The following CNTNAP2 variants were observed in gnomAD, a reference collection of about 807,000 sequenced individuals.
The protein encoded by CNTNAP2 is contactin associated protein 2.
In CNTNAP2, 98 loss-of-function variants were observed where a neutral mutation model predicts 155.2. The ratio of observed to expected loss-of-function variants is 0.63; its 90% CI spans 0.54 to 0.75. The LOEUF (loss-of-function observed/expected upper bound fraction) is 0.75, where lower values mean the gene tolerates loss of function less well. Ranked by LOEUF, CNTNAP2 falls within the 30% of genes least tolerant of loss-of-function variation. The pLI is 0.00. For missense variants in CNTNAP2, 1,727 were observed against 1,688.1 expected (o/e 1.02, Z -0.40); for synonymous variants, 651 against 631.2 (o/e 1.03, Z -0.47).
At chr7:146,675,708 T>A (rs1800387024) in intron 1 of CNTNAP2, among the ~76,000 whole-genome samples, 1 of 152,178 alleles carries the variant, frequency 6.6e-6, no homozygotes, top group South Asian at 2.1e-4. Context: ...ATTATGTAAG[T>A]ATAACCCTTC....
At chr7:146,374,908 C>G (rs58749345) in intron 1 of CNTNAP2, among the ~76,000 whole-genome samples, 19,757 of 152,074 alleles carry the variant, frequency 0.13, 3,297 homozygotes, top group African/African-American at 0.38. Flanking sequence ...GAAGTATTAT[C>G]AGATATTTAC....
intron 21 of CNTNAP2, among the ~76,000 whole-genome samples, chr7:148,276,919 G>A (rs748277460): frequency 9.9e-5 from 15 of 152,210 alleles, no homozygotes; most frequent in Non-Finnish European, 1.5e-4. Flanking sequence ...TGATGATGTC[G>A]TATTCCTTCT....
intron 1 of CNTNAP2, among the ~76,000 whole-genome samples, chr7:146,401,444 G>C (rs1294383951): frequency 6.6e-6 from 1 of 152,120 alleles, no homozygotes; most frequent in Non-Finnish European, 1.5e-5. Context: ...CAGAGAGGAG[G>C]CTTCTATGTT....
intron 1 of CNTNAP2, among the ~76,000 whole-genome samples, chr7:146,747,318 A>G (rs1057265241): frequency 6.6e-6 from 1 of 152,194 alleles, no homozygotes; most frequent in Non-Finnish European, 1.5e-5. Context: ...CCTAAGAGAG[A>G]TTAAGGATAT....
intron 21 of CNTNAP2, among the ~76,000 whole-genome samples, chr7:148,346,325 TTA>T (rs1217886640): frequency 1.3e-5 from 2 of 152,214 alleles, no homozygotes; most frequent in Admixed American, 6.5e-5. Context: ...AAAATTAGAT[TTA>T]GTTTCTTTTT....
intron 1 of CNTNAP2, among the ~76,000 whole-genome samples, chr7:146,689,160 G>A (rs1232990926): frequency 1.3e-5 from 2 of 151,968 alleles, no homozygotes; most frequent in Non-Finnish European, 2.9e-5. Flanking sequence ...CCTCTGATGA[G>A]TAACATTTCA....
chr7:147,272,664 A>ATTTTTTTTTTTTTTTTTTTTTTTTTTTT (rs71182188), intron 8 of CNTNAP2, among the ~76,000 whole-genome samples: 2 of 138,962 alleles, frequency 1.4e-5, no homozygotes, highest in African/African-American at 2.6e-5. Context: ...CGCCCGGCTA[A>ATTTTTTTTTTTTTTTTTTTTTTTTTTTT]TTTTTTTTTT....
intron 11 of CNTNAP2, among the ~76,000 whole-genome samples, chr7:147,523,131 G>A (rs1020463824): frequency 6.6e-6 from 1 of 152,172 alleles, no homozygotes; most frequent in African/African-American, 2.4e-5. Flanking sequence ...GGGCCGCACT[G>A]ATCATAAGGC....
chr7:148,160,740 GT>G (rs1023622858), intron 17 of CNTNAP2, among the ~76,000 whole-genome samples: 2 of 152,246 alleles, frequency 1.3e-5, no homozygotes, highest in African/African-American at 4.8e-5. Context: ...TGAAGGTGTT[GT>G]TTTTTGGTTT....
At chr7:147,651,413 T>A (rs534169742) in intron 13 of CNTNAP2, among the ~76,000 whole-genome samples, 17 of 152,374 alleles carry the variant, frequency 1.1e-4, no homozygotes, top group African/African-American at 4.1e-4. Context: ...AAGAGTGTTT[T>A]TTTGAATAAC....
At chr7:146,865,675 C>T (rs1422713874) in intron 3 of CNTNAP2, among the ~76,000 whole-genome samples, 1 of 152,044 alleles carries the variant, frequency 6.6e-6, no homozygotes, top group Non-Finnish European at 1.5e-5. Context: ...TAGTTTTAAA[C>T]CTCTAGAAGA....
chr7:147,969,740 AC>A (rs1403831849), intron 14 of CNTNAP2, among the ~76,000 whole-genome samples: 12 of 151,998 alleles, frequency 7.9e-5, no homozygotes, highest in African/African-American at 2.9e-4. Flanking sequence ...ACAAAAACTA[AC>A]TTTGGCTTGA....
chr7:147,443,376 A>G (rs1797677048), intron 10 of CNTNAP2, among the ~76,000 whole-genome samples: 2 of 152,160 alleles, frequency 1.3e-5, no homozygotes, highest in Non-Finnish European at 2.9e-5. Context: ...CTCCTCACCC[A>G]TGCTGCCACT....
chr7:147,448,717 TAACTC>T (rs1210293005), intron 10 of CNTNAP2, among the ~76,000 whole-genome samples: 1 of 152,030 alleles, frequency 6.6e-6, no homozygotes, highest in Non-Finnish European at 1.5e-5. Context: ...CATCATGAAA[TAACTC>T]AAGGTAGTAT....
chr7:148,075,150 A>T (rs1233017293), intron 15 of CNTNAP2, among the ~76,000 whole-genome samples: 5 of 152,178 alleles, frequency 3.3e-5, no homozygotes, highest in Non-Finnish European at 7.3e-5. Context: ...TATAAAAAAA[A>T]ATTAGGTCAG....
At chr7:148,178,604 T>C (rs1424104002) in intron 18 of CNTNAP2, among the ~76,000 whole-genome samples, 1 of 152,258 alleles carries the variant, frequency 6.6e-6, no homozygotes, top group Non-Finnish European at 1.5e-5. Flanking sequence ...TATAAGATGA[T>C]GATGGAATTA....
intron 15 of CNTNAP2, among the ~76,000 whole-genome samples, chr7:147,986,423 C>A (rs1801618594): frequency 6.6e-6 from 1 of 152,134 alleles, no homozygotes; most frequent in Non-Finnish European, 1.5e-5. Flanking sequence ...TTTTTTCCCA[C>A]AAAATGTGGC....
At chr7:147,478,283 G>C (rs1798357098) in intron 10 of CNTNAP2, among the ~76,000 whole-genome samples, 1 of 151,944 alleles carries the variant, frequency 6.6e-6, no homozygotes, top group South Asian at 2.1e-4. Flanking sequence ...CTCCCAAGTA[G>C]CTGGGACTAC....
At chr7:147,095,186 A>ATTTTTTTTTTTTTT (rs36113270) in intron 4 of CNTNAP2, among the ~76,000 whole-genome samples, 1 of 114,520 alleles carries the variant, frequency 8.7e-6, no homozygotes. Flanking sequence ...CGCCTGGCTA[A>ATTTTTTTTTTTTTT]TTTTTTTTTT....
Sources: gnomAD v4.1 joint callset for allele counts (sites outside exome capture counted in the v4.1 genomes callset) on GRCh38, gnomAD v4.1.1 for gene constraint, MANE v1.5 for transcripts, NCBI Gene and HGNC (gene_info 2026-07-23, HGNC 2026-07-21) for gene names.